The following NTRK3 variants were observed in gnomAD, a reference collection of about 807,000 sequenced individuals.
The protein encoded by NTRK3 is NT-3 growth factor receptor.
In NTRK3, 24 loss-of-function variants were observed where a neutral mutation model predicts 91.7. The ratio of observed to expected loss-of-function variants is 0.26; its 90% CI spans 0.19 to 0.37. NTRK3 has a LOEUF of 0.37. NTRK3 is among the 10% of genes least tolerant of loss of function. The probability of loss-of-function intolerance (pLI) is 1.00; values close to 1 mark genes in which losing one functional copy is unlikely to be tolerated. For synonymous variants in NTRK3, 483 were observed against 404.0 expected, an observed-to-expected ratio of 1.20 and a Z score of -2.34; for missense variants, 880 against 1,068.9, an observed-to-expected ratio of 0.82 and a Z score of 2.46.
intron 13 of NTRK3, among the ~76,000 whole-genome samples, chr15:88,069,932 G>A (rs533359089): frequency 2.0e-5 from 3 of 152,178 alleles, no homozygotes; most frequent in Non-Finnish European, 4.4e-5. Context: ...TCGCTGTTGA[G>A]AGTCTAGGGC....
chr15:87,994,416 C>T lies in NTRK3; in HGVS notation c.1585+38441G>A, dbSNP rs571778030. Among the ~76,000 whole-genome samples, 9 of 152,312 alleles carry T rather than the reference C, an allele frequency of 5.9e-5. No individual in the cohort carries two copies. The South Asian group carries it at 1.5e-3, about 25-fold the overall frequency. On this transcript the variant is annotated intron_variant, in intron 14 of 18. Coordinates refer to ENST00000394480, the Ensembl canonical transcript of NTRK3. Reference sequence around the variant, plus strand: ...GTGAACACAGATAGATACACACGCACAGAACACCATGTGAACATGAAGGCA... The same window carrying T: ...GTGAACACAGATAGATACACACGCATAGAACACCATGTGAACATGAAGGCA...
At chr15:88,003,510 G>A (rs2076261815) in intron 14 of NTRK3, among the ~76,000 whole-genome samples, 1 of 152,134 alleles carries the variant, frequency 6.6e-6, no homozygotes, top group African/African-American at 2.4e-5. Flanking sequence ...AATTTTACTG[G>A]TGAAAGAACT....
intron 13 of NTRK3, among the ~76,000 whole-genome samples, chr15:88,053,602 T>C (rs2045424481): frequency 6.6e-6 from 1 of 152,208 alleles, no homozygotes; most frequent in Admixed American, 6.5e-5. Flanking sequence ...CTTTGGGACC[T>C]CAGCTGGGCA....
chr15:87,991,925 T>C (rs1435836387), intron 14 of NTRK3, among the ~76,000 whole-genome samples: 2 of 151,960 alleles, frequency 1.3e-5, no homozygotes, highest in Admixed American at 6.6e-5. Flanking sequence ...TGTGATTTTT[T>C]TTTTTAATTT....
intron 14 of NTRK3, among the ~76,000 whole-genome samples, chr15:87,960,266 C>A (rs146444183): frequency 6.6e-6 from 1 of 152,242 alleles, no homozygotes; most frequent in African/African-American, 2.4e-5. Context: ...TCCCTTATTT[C>A]CCTCTGTCTT....
chr15:87,931,561 T>G (rs2068799909), intron 16 of NTRK3, among the ~76,000 whole-genome samples: 1 of 152,230 alleles, frequency 6.6e-6, no homozygotes, highest in African/African-American at 2.4e-5. Flanking sequence ...TTGCTCCAAT[T>G]TGCAACTAAG....
At chr15:88,088,283 A>G (rs1240631728) in intron 13 of NTRK3, among the ~76,000 whole-genome samples, 1 of 152,212 alleles carries the variant, frequency 6.6e-6, no homozygotes, top group Non-Finnish European at 1.5e-5. Context: ...ATCAGCTCCT[A>G]TGTTTAACAT....
chr15:87,929,159 G>A (rs1240109047), intron 17 of NTRK3, 32 bp downstream of exon 17: 1 of 1,614,126 alleles, frequency 6.2e-7, no homozygotes, highest in Non-Finnish European at 8.5e-7. Context: ...TAGCTCTGTG[G>A]CTGAGTCCTG....
intron 13 of NTRK3, among the ~76,000 whole-genome samples, chr15:88,109,118 A>G (rs1224789894): frequency 6.6e-6 from 1 of 152,194 alleles, no homozygotes; most frequent in Non-Finnish European, 1.5e-5. Flanking sequence ...TTTGCAAGGC[A>G]CTTAAATTTC....
chr15:88,000,825 AG>A (rs2076049905), intron 14 of NTRK3, among the ~76,000 whole-genome samples: 1 of 152,180 alleles, frequency 6.6e-6, no homozygotes, highest in Non-Finnish European at 1.5e-5. Flanking sequence ...TTCATGTACA[AG>A]TTTTTGCATG....
intron 13 of NTRK3, among the ~76,000 whole-genome samples, chr15:88,102,120 C>T (rs2050236736): frequency 6.6e-6 from 1 of 152,160 alleles, no homozygotes; most frequent in Non-Finnish European, 1.5e-5. Context: ...ACCACAGTGA[C>T]CTCTGCCCCT....
chr15:88,203,101 C>T (rs2048442452), intron 3 of NTRK3, among the ~76,000 whole-genome samples: 1 of 152,148 alleles, frequency 6.6e-6, no homozygotes, highest in Admixed American at 6.5e-5. Flanking sequence ...GAGCAGCCCT[C>T]CTAGCAATGA....
At chr15:88,178,789 A>C (rs1442094366) in intron 5 of NTRK3, among the ~76,000 whole-genome samples, 1 of 152,248 alleles carries the variant, frequency 6.6e-6, no homozygotes, top group Non-Finnish European at 1.5e-5. Context: ...CCTGAATAGA[A>C]AGAGGAACTA....
chr15:88,026,072 C>A (rs961185915), intron 14 of NTRK3, among the ~76,000 whole-genome samples: 3 of 152,164 alleles, frequency 2.0e-5, no homozygotes, highest in African/African-American at 4.8e-5. Flanking sequence ...GAGATTGAGA[C>A]CATCCTTGCT....
rs545677117 is a variant in NTRK3, at chr15:88,212,195, C to T, written c.249-27896G>A. ...CATCCTGGCTAACACGGTGAAACCC[C>T]GTCTCTATTAAAAATACAAAAAAAA... On this transcript the variant is annotated intron_variant, in intron 3 of 18. Coordinates refer to ENST00000394480, the Ensembl canonical transcript of NTRK3. Among the ~76,000 whole-genome samples, 10 of 152,142 alleles carry T rather than the reference C, an allele frequency of 6.6e-5. No individual in the cohort carries two copies. The East Asian group carries it at 1.2e-3, about 18-fold the overall frequency.
At chr15:87,884,568 A>T (rs747158308) in intron 17 of NTRK3, among the ~76,000 whole-genome samples, 8 of 151,758 alleles carry the variant, frequency 5.3e-5, no homozygotes, top group Non-Finnish European at 8.9e-5. Context: ...ATATGTGTGT[A>T]AAACTATGTT....
rs767946530 is a variant in NTRK3, at chr15:88,128,782, GAACA to G, written c.1205-52_1205-49del. On this transcript the variant is annotated intron_variant, in intron 10 of 18. Coordinates refer to ENST00000394480, the Ensembl canonical transcript of NTRK3. ...TAATTAACAAATTTAATAAAAACCA[GAACA>G]GACACACTACTTGGTCCTAATAGCT... The G allele has an allele frequency of 8.5e-6, 13 of 1,533,266 alleles. No homozygotes were observed. The East Asian group carries it at 2.9e-4, about 34-fold the overall frequency. The allele number at this position is 1,533,266 out of a possible 1,614,324, so 95.0% of individuals were successfully genotyped here.
At chr15:88,127,274 G>A (rs947590773) in intron 11 of NTRK3, 48 bp from the exon 12 acceptor site, 7 of 1,536,070 alleles carry the variant, frequency 4.6e-6, no homozygotes, top group Non-Finnish European at 6.3e-6. Flanking sequence ...TTCCCGGCTG[G>A]GGAGGCTCAG....
intron 17 of NTRK3, among the ~76,000 whole-genome samples, chr15:87,897,767 G>C (rs2066212692): frequency 6.6e-6 from 1 of 152,206 alleles, no homozygotes; most frequent in East Asian, 1.9e-4. Flanking sequence ...TTTCAAATAA[G>C]ATTGACTTTA....
Sources: allele counts gnomAD v4.1 joint callset (sites outside exome capture counted in the v4.1 genomes callset), GRCh38; gene constraint gnomAD v4.1.1; transcripts MANE v1.5; gene names NCBI Gene and HGNC (gene_info 2026-07-23, HGNC 2026-07-21).